The following SLC6A11 variants were observed in gnomAD, a reference collection of about 807,000 sequenced individuals.
SLC6A11 encodes the protein solute carrier family 6 member 11.
Under a neutral mutation model 74.8 loss-of-function variants are expected in SLC6A11, and 25 were observed. The observed-to-expected ratio is 0.33, with a 90% CI of 0.24 to 0.47. The LOEUF (loss-of-function observed/expected upper bound fraction) is 0.47. Among genes scored for constraint, SLC6A11 ranks in the 20% least tolerant of loss-of-function variants. The pLI is 1.00. For missense variants in SLC6A11, 574 were observed against 837.0 expected, an observed-to-expected ratio of 0.69 and a Z score of 3.88; for synonymous variants, 330 against 330.2, an observed-to-expected ratio of 1.00 and a Z score of 0.01.
chr3:10,862,777 G>A (rs564055718), intron 5 of SLC6A11, among the ~76,000 whole-genome samples: 1 of 152,336 alleles, frequency 6.6e-6, no homozygotes, highest in East Asian at 1.9e-4. Context: ...GCATATGCCT[G>A]AGGCCCTCTG....
chr3:10,826,151 T>C (rs2106573830), intron 4 of SLC6A11, among the ~76,000 whole-genome samples: 1 of 152,392 alleles, frequency 6.6e-6, no homozygotes, highest in South Asian at 2.1e-4. Context: ...ATGGTATAGC[T>C]AGTTCTCCAT....
chr3:10,877,605 A>T (rs1005016766), intron 6 of SLC6A11, among the ~76,000 whole-genome samples: 2 of 152,194 alleles, frequency 1.3e-5, no homozygotes, highest in African/African-American at 2.4e-5. Flanking sequence ...CAGAGGAAAC[A>T]CAGGTGTTCA....
At chr3:10,927,799 G>A (rs1192209551) in intron 9 of SLC6A11, among the ~76,000 whole-genome samples, 1 of 152,200 alleles carries the variant, frequency 6.6e-6, no homozygotes, top group Admixed American at 6.5e-5. Flanking sequence ...TGCACAAGGA[G>A]TATTGAAACA....
chr3:10,821,857 G>C (rs1274965409), intron 3 of SLC6A11, among the ~76,000 whole-genome samples: 1 of 151,892 alleles, frequency 6.6e-6, no homozygotes, highest in Non-Finnish European at 1.5e-5. Flanking sequence ...CTATTTTAGG[G>C]AATTCGATAA....
chr3:10,885,326 C>G (rs1695029845), intron 6 of SLC6A11, among the ~76,000 whole-genome samples: 1 of 152,114 alleles, frequency 6.6e-6, no homozygotes, highest in Admixed American at 6.6e-5. Context: ...TCCCAAGCCC[C>G]TCTAACTCAA....
chr3:10,875,206 C>A, intron 6 of SLC6A11, 111 bp downstream of exon 6: 1 of 838,744 alleles, frequency 1.2e-6, no homozygotes, highest in Non-Finnish European at 1.7e-6. Context: ...CAGTGGAAAG[C>A]CTGTGGACTC....
intron 5 of SLC6A11, among the ~76,000 whole-genome samples, chr3:10,857,781 C>T (rs778775156): frequency 1.3e-5 from 2 of 152,074 alleles, no homozygotes; most frequent in African/African-American, 2.4e-5. Context: ...CACCCTGAAA[C>T]GCAACTCATA....
At chr3:10,885,525 G>A (rs1201228580) in intron 6 of SLC6A11, among the ~76,000 whole-genome samples, 2 of 150,946 alleles carry the variant, frequency 1.3e-5, no homozygotes, top group Admixed American at 6.6e-5. Context: ...ATTAGGGGAT[G>A]TTACCAGCAT....
chr3:10,922,393 G>A (rs527240089), intron 8 of SLC6A11, among the ~76,000 whole-genome samples: 18 of 152,274 alleles, frequency 1.2e-4, no homozygotes, highest in African/African-American at 4.3e-4. Flanking sequence ...AATAGAAATT[G>A]AGGAGTACTT....
In SLC6A11 at chr3:10,816,283, G is replaced by A; in HGVS notation, c.18G>A (p.Ala6=). The A allele has an allele frequency of 7.3e-7, 1 of 1,367,646 alleles. No homozygotes were observed. The allele number at this position is 1,367,646 out of a possible 1,614,324, so 84.7% of individuals were successfully genotyped here. A position where few individuals can be genotyped will look rare whatever the true frequency, so the allele number is the denominator to read the frequency against. Residue 6 remains alanine, a synonymous_variant, in exon 1 of 14, where the codon GCG becomes GCA. Coordinates refer to ENST00000254488, the MANE Select transcript of SLC6A11 (RefSeq NM_014229.3). This position sits in a 1 kb window ranked among gnomAD's most constrained non-coding sequence, Gnocchi z 4.2. ...GCGCGGCCATGACGGCGGAGAAGGC[G>A]CTGCCCCTGGGCAATGGGAAGGCTG... MTAEK[A]LPLGNGKAAE... is the part of the protein sequence containing the mutation.
intron 1 of SLC6A11, 39 bp from the exon 2 acceptor site, chr3:10,819,426 C>A: frequency 6.3e-7 from 1 of 1,584,136 alleles, no homozygotes; most frequent in Non-Finnish European, 8.6e-7. Flanking sequence ...TATGAATCGG[C>A]AGGGACAGTT....
Position 10,934,107 on chromosome 3 carries a change from T to C in SLC6A11, c.1516T>C (p.Tyr506His), listed in dbSNP as rs1201320952. ...TGATAACATTGAAGACATGATTGGC[T>C]ACCGGCCACCGTCGCTCATTAAGTG... ...FYDNIEDMIG[Y>H]RPPSLIKWCW... Residue 506 changes from tyrosine (Y) to histidine (H), a missense_variant, in exon 12 of 14, where the codon TAC becomes CAC. Physicochemically the swap from Tyr to His is moderately conservative, Grantham distance 83 (BLOSUM62 2). This residue lies in a region of SLC6A11 where 257 missense variants were observed against 341.5 expected (regional missense o/e 0.75). Transcript: ENST00000254488. The C allele has an allele frequency of 1.2e-6, 2 of 1,613,898 alleles. No homozygotes were observed. The highest frequency in any genetic ancestry group is 2.7e-5 in the African/African-American group (2 of 74,916).
chr3:10,923,989 CA>C (rs1695569119), intron 8 of SLC6A11, among the ~76,000 whole-genome samples: 1 of 152,064 alleles, frequency 6.6e-6, no homozygotes, highest in Non-Finnish European at 1.5e-5. Context: ...AGACATTCTG[CA>C]AAACAACAAC....
At chr3:10,929,368 G>C in intron 10 of SLC6A11, 29 bp downstream of exon 10, 1 of 1,609,634 alleles carries the variant, frequency 6.2e-7, no homozygotes, top group Non-Finnish European at 8.5e-7. Context: ...GCCGCACGGG[G>C]TGAAGTGGGT....
At chr3:10,919,854 C>T (rs1041421961) in intron 8 of SLC6A11, among the ~76,000 whole-genome samples, 3 of 152,132 alleles carry the variant, frequency 2.0e-5, no homozygotes, top group Non-Finnish European at 4.4e-5. Flanking sequence ...GGCTCAGGGA[C>T]GTGAGGTCAC....
intron 13 of SLC6A11, among the ~76,000 whole-genome samples, chr3:10,935,900 T>C (rs182634851): frequency 4.3e-4 from 66 of 152,306 alleles, no homozygotes; most frequent in South Asian, 8.3e-4. Flanking sequence ...TGCCCATTCA[T>C]TGTTAACCCC....
chr3:10,859,081 G>A (rs1297728199), intron 5 of SLC6A11, among the ~76,000 whole-genome samples: 1 of 152,196 alleles, frequency 6.6e-6, no homozygotes. Flanking sequence ...TTAAAGCCAG[G>A]GGATTCTATG....
At chr3:10,932,724 C>T (rs919897344) in intron 10 of SLC6A11, among the ~76,000 whole-genome samples, 1 of 152,110 alleles carries the variant, frequency 6.6e-6, no homozygotes, top group South Asian at 2.1e-4. Context: ...TAAACTACCA[C>T]GTGTTTGGTT....
intron 5 of SLC6A11, among the ~76,000 whole-genome samples, chr3:10,873,471 TACCCTACCATACCCTAC>T (rs1182093210): frequency 1.5e-5 from 2 of 129,418 alleles, no homozygotes; most frequent in Non-Finnish European, 3.2e-5. Context: ...TATCCTACCC[TACCCTACCATACCCTAC>T]CCTATGCTAT....
Sources: gnomAD v4.1 joint callset for allele counts (sites outside exome capture counted in the v4.1 genomes callset) on GRCh38, gnomAD v4.1.1 for gene constraint, gnomAD v4.1.1 regional missense constraint, Gnocchi (gnomAD v3.1) non-coding constraint, MANE v1.5 for transcripts, NCBI Gene and HGNC (gene_info 2026-07-23, HGNC 2026-07-21) for gene names.